COL11A1: variants seen among roughly 807,000 people sequenced by gnomAD.
COL11A1 encodes the protein collagen alpha-1(XI) chain.
COL11A1 carries 74 observed loss-of-function variants against 265.2 expected under a neutral mutation model. That is an observed-to-expected ratio of 0.28 (90% CI 0.23 to 0.34). The LOEUF (loss-of-function observed/expected upper bound fraction) is 0.34. Ranked by LOEUF, COL11A1 falls within the 10% of genes least tolerant of loss-of-function variation. The pLI is 1.00. For synonymous variants in COL11A1, 816 were observed against 727.6 expected, an observed-to-expected ratio of 1.12 and a Z score of -1.96; for missense variants, 2,165 against 2,263.6, an observed-to-expected ratio of 0.96 and a Z score of 0.88.
chr1:102,925,906 GT>G (rs1373985382), intron 46 of COL11A1, among the ~76,000 whole-genome samples: 2 of 151,730 alleles, frequency 1.3e-5, no homozygotes, highest in African/African-American at 4.8e-5. Flanking sequence ...TTTTGTCCAG[GT>G]TTTCACACCC....
At chr1:102,928,191 C>T (rs1010629965) in intron 46 of COL11A1, among the ~76,000 whole-genome samples, 3 of 151,800 alleles carry the variant, frequency 2.0e-5, no homozygotes, top group African/African-American at 7.3e-5. Context: ...TGCTGGTGTG[C>T]TGCACCCACT....
At chr1:102,940,905 T>C (rs2101313517) in intron 42 of COL11A1, among the ~76,000 whole-genome samples, 1 of 152,318 alleles carries the variant, frequency 6.6e-6, no homozygotes. Context: ...TCCTGGTTTT[T>C]AAAAATGGCA....
intron 16 of COL11A1, 68 bp downstream of exon 16, chr1:103,006,194 T>G: frequency 7.5e-6 from 10 of 1,327,428 alleles, no homozygotes; most frequent in Non-Finnish European, 1.0e-5. Context: ...AATAAATAAA[T>G]AAATAAATAA....
At chr1:103,077,784 T>C (rs1672090672) in intron 3 of COL11A1, among the ~76,000 whole-genome samples, 1 of 152,082 alleles carries the variant, frequency 6.6e-6, no homozygotes, top group Admixed American at 6.6e-5. Context: ...TTCGACATGA[T>C]TTGCAAAAGA....
At position 102,882,848 on chromosome 1, in the gene COL11A1, G is replaced by T. The variant is rs578120856; in HGVS notation, c.4971+351C>A. Among the ~76,000 whole-genome samples the T allele has an allele frequency of 5.9e-5, 9 of 152,128 alleles. No homozygotes were observed. In the East Asian group the frequency reaches 1.7e-3, roughly 29 times the overall value. On this transcript the variant is annotated intron_variant, in intron 64 of 66. Transcript: ENST00000370096. ...ATTCTTTATAAAATTAGATATTTTG[G>T]GTGTAATATGCAGCTGTGAGGTCTC...
intron 1 of COL11A1, among the ~76,000 whole-genome samples, chr1:103,100,977 T>A (rs1571284209): frequency 6.6e-6 from 1 of 151,966 alleles, no homozygotes; most frequent in East Asian, 1.9e-4. Context: ...GAGCATGTAT[T>A]TGGTATTAGG....
At chr1:102,881,850 A>C in intron 64 of COL11A1, 85 bp from the exon 65 acceptor site, 1 of 960,462 alleles carries the variant, frequency 1.0e-6, no homozygotes, top group Non-Finnish European at 1.6e-6. Context: ...ATTCATTTTC[A>C]GTAAGACTAA....
At chr1:103,004,188 A>T (rs1469295553) in intron 20 of COL11A1, among the ~76,000 whole-genome samples, 1 of 152,180 alleles carries the variant, frequency 6.6e-6, no homozygotes, top group Non-Finnish European at 1.5e-5. Flanking sequence ...AAACAGCAAC[A>T]AAAACTAGGT....
At chr1:102,941,611 A>AT (rs1417068237) in intron 42 of COL11A1, among the ~76,000 whole-genome samples, 5 of 151,878 alleles carry the variant, frequency 3.3e-5, no homozygotes, top group Admixed American at 1.3e-4. Context: ...GCCTGAGCAC[A>AT]TTTTTTTCCT....
rs1649789586 is a variant in COL11A1 at position 102,878,473 on chromosome 1, CTCATA to C, written c.5275-313_5275-309del. Among the ~76,000 whole-genome samples the C allele has an allele frequency of 4.3e-4, 4 of 9,346 alleles. 1 individual carries two copies. Among genetic ancestry groups the C allele is most frequent in the African/African-American group, 1.5e-3 (4 of 2,666 alleles). 6.1% of individuals were successfully genotyped at this position (9,346 alleles called of 152,430 possible). On this transcript the variant is annotated intron_variant, in intron 66 of 66. Coordinates refer to ENST00000370096, the MANE Select transcript of COL11A1 (RefSeq NM_001854.4). ...TGAAAATTGATGTTGGTATTGAATC[CTCATA>C]TATATATATATATATATATATATAT...
In COL11A1 at chr1:103,002,388, C is replaced by T. The variant is rs778051152; in HGVS notation, c.2097+40G>A. 1.1e-5 allele frequency: 16 copies of T among 1,517,068 alleles called. No homozygotes were observed. The East Asian group carries it at 2.1e-4, about 19-fold the overall frequency. 94.0% of individuals were successfully genotyped at this position (1,517,068 alleles called of 1,614,324 possible). The stretch of plus-strand genomic sequence containing the variant: ...TTTCTTATAGAAAGATAGCATCTTC[C>T]CCCCATTATTTCAAAGGAGCTGCAG... On this transcript the variant is annotated intron_variant, in intron 23 of 66. Coordinates refer to ENST00000370096, the MANE Select transcript of COL11A1 (RefSeq NM_001854.4).
chr1:102,915,621 C>G lies in COL11A1; in HGVS notation c.3816+10G>C. ...ATAATACACTATGTTAACAATAACA[C>G]AGTACTTACGCCTACACCTGCTTCC... is the stretch of plus-strand genomic sequence containing the variant. On this transcript the variant is annotated intron_variant, in intron 50 of 66. Coordinates refer to ENST00000370096, the MANE Select transcript of COL11A1 (RefSeq NM_001854.4). 6.2e-7 allele frequency: 1 copy of G among 1,605,584 alleles called. No individual in the cohort carries two copies. The highest frequency in any genetic ancestry group is 8.5e-7 in the Non-Finnish European group (1 of 1,172,260).
intron 2 of COL11A1, among the ~76,000 whole-genome samples, chr1:103,080,794 G>C (rs902276972): frequency 5.3e-5 from 8 of 151,628 alleles, no homozygotes; most frequent in Non-Finnish European, 1.0e-4. Context: ...GCCATCAATC[G>C]CACTACTGAG....
chr1:103,006,328 A>G lies in COL11A1; in HGVS notation c.1684-13T>C. ...CGCCTCGAGGGCCCTATATCAAGAC[A>G]TCATAATTAAACCATATTATAGAAT... On this transcript the variant is annotated splice_polypyrimidine_tract_variant and intron_variant, in intron 15 of 66. Coordinates refer to ENST00000370096, the MANE Select transcript of COL11A1 (RefSeq NM_001854.4). The G allele has an allele frequency of 3.1e-6, 5 of 1,602,200 alleles. No individual in the cohort carries two copies. The highest frequency in any genetic ancestry group is 4.3e-6 in the Non-Finnish European group (5 of 1,172,398).
At chr1:103,010,942 C>T (rs560312959) in intron 14 of COL11A1, among the ~76,000 whole-genome samples, 7 of 152,204 alleles carry the variant, frequency 4.6e-5, no homozygotes, top group South Asian at 2.1e-4. Flanking sequence ...TTAGGTGATC[C>T]GCCCGCCTTG....
intron 4 of COL11A1, among the ~76,000 whole-genome samples, chr1:103,034,846 C>T (rs1040472488): frequency 6.6e-6 from 1 of 152,046 alleles, no homozygotes; most frequent in Admixed American, 6.6e-5. Flanking sequence ...CTATCCTCCC[C>T]TTCCGCCAGG....
chr1:102,882,877 T>G (rs939693329), intron 64 of COL11A1, among the ~76,000 whole-genome samples: 7 of 152,168 alleles, frequency 4.6e-5, no homozygotes, highest in Admixed American at 6.5e-5. Context: ...AGGTCTCTGA[T>G]GTGGTAATTG....
rs557767492 is a variant in COL11A1 at position 102,977,534 on chromosome 1, T to G, written c.2754+1174A>C. On this transcript the variant is annotated intron_variant, in intron 35 of 66. Transcript: ENST00000370096. ...ACTTGTAAGGAAATATTATTGATCA[T>G]AACATTTTGGAAGACAAAACCAAAT... Among the ~76,000 whole-genome samples, 15 of 152,272 alleles carry G rather than the reference T, an allele frequency of 9.9e-5. No individual in the cohort carries two copies. The South Asian group carries it at 3.1e-3, about 32-fold the overall frequency.
At chr1:102,906,738 T>G (rs1287656780) in intron 54 of COL11A1, among the ~76,000 whole-genome samples, 1 of 152,102 alleles carries the variant, frequency 6.6e-6, no homozygotes, top group Non-Finnish European at 1.5e-5. Flanking sequence ...TTTTCTTTTT[T>G]CAAGCTAAGC....
Sources: allele counts gnomAD v4.1 joint callset (sites outside exome capture counted in the v4.1 genomes callset), GRCh38; gene constraint gnomAD v4.1.1; transcripts MANE v1.5; gene names NCBI Gene and HGNC (gene_info 2026-07-23, HGNC 2026-07-21).